GRID2: variants seen among roughly 807,000 people sequenced by gnomAD.
The protein encoded by GRID2 is glutamate receptor ionotropic, delta-2.
Under a neutral mutation model 114.8 loss-of-function variants are expected in GRID2, and 33 were observed. The observed-to-expected ratio is 0.29, with a 90% confidence interval of 0.22 to 0.38. GRID2 has a LOEUF of 0.38. GRID2 is among the 10% of genes least tolerant of loss of function. GRID2 has a pLI of 1.00. For missense variants in GRID2, 1,184 were observed against 1,257.7 expected, an observed-to-expected ratio of 0.94 and a Z score of 0.89; for synonymous variants, 505 against 449.9, an observed-to-expected ratio of 1.12 and a Z score of -1.55.
At chr4:93,045,644 A>G (rs985078742) in intron 2 of GRID2, among the ~76,000 whole-genome samples, 1 of 152,126 alleles carries the variant, frequency 6.6e-6, no homozygotes, top group Non-Finnish European at 1.5e-5. Context: ...ACTTTTATTA[A>G]CCTCACTTTG....
At chr4:93,440,837 T>C (rs919206131) in intron 10 of GRID2, among the ~76,000 whole-genome samples, 5 of 152,102 alleles carry the variant, frequency 3.3e-5, no homozygotes, top group African/African-American at 9.7e-5. Context: ...AGCAATTCAA[T>C]CAGATAAAGA....
At chr4:93,510,712 A>G (rs1729080133) in intron 12 of GRID2, among the ~76,000 whole-genome samples, 1 of 152,004 alleles carries the variant, frequency 6.6e-6, no homozygotes, top group Non-Finnish European at 1.5e-5. Flanking sequence ...GCCAGGGGGG[A>G]AAAATTCCAC....
intron 2 of GRID2, among the ~76,000 whole-genome samples, chr4:92,689,075 T>C (rs984866618): frequency 6.6e-6 from 1 of 152,190 alleles, no homozygotes; most frequent in Non-Finnish European, 1.5e-5. Context: ...TATTTTGTTG[T>C]ATGAGCACTA....
At chr4:93,563,615 T>C (rs1473630377) in intron 13 of GRID2, among the ~76,000 whole-genome samples, 2 of 151,990 alleles carry the variant, frequency 1.3e-5, no homozygotes, top group Non-Finnish European at 2.9e-5. Flanking sequence ...TTATTATAAA[T>C]TAAATGAAGC....
chr4:93,262,871 G>A (rs1380057385), intron 8 of GRID2, among the ~76,000 whole-genome samples: 1 of 151,670 alleles, frequency 6.6e-6, no homozygotes, highest in African/African-American at 2.4e-5. Flanking sequence ...GCATTCTAAA[G>A]TATTTAAATG....
In GRID2 at chr4:92,749,688, G is replaced by A. The variant is rs183364009; in HGVS notation, c.244+159402G>A. ...AGGGTAAGATTAGTTCCACATAATG[G>A]CAAGGTTTCCTTTTAAGGAAAACCA... On this transcript the variant is annotated intron_variant, in intron 2 of 15. Transcript: ENST00000282020. Among the ~76,000 whole-genome samples the A allele has an allele frequency of 1.0e-3, 153 of 152,200 alleles. 1 individual carries two copies. The highest frequency in any genetic ancestry group is 3.3e-3 in the African/African-American group (139 of 41,524).
At chr4:93,071,483 C>G (rs1728800681) in intron 2 of GRID2, among the ~76,000 whole-genome samples, 1 of 152,008 alleles carries the variant, frequency 6.6e-6, no homozygotes, top group Non-Finnish European at 1.5e-5. Flanking sequence ...ATATAAAATA[C>G]AATCAAATGA....
chr4:92,969,593 A>G (rs1438517670), intron 2 of GRID2, among the ~76,000 whole-genome samples: 2 of 151,826 alleles, frequency 1.3e-5, no homozygotes, highest in African/African-American at 4.8e-5. Flanking sequence ...ACATGCACTC[A>G]GTAATTTAAT....
chr4:93,681,455 A>G (rs1725526691), intron 14 of GRID2, among the ~76,000 whole-genome samples: 1 of 151,588 alleles, frequency 6.6e-6, no homozygotes, highest in South Asian at 2.1e-4. Flanking sequence ...GAACCAAAAA[A>G]GAGCCCGCAT....
chr4:92,639,583 A>G (rs1024148883), intron 2 of GRID2, among the ~76,000 whole-genome samples: 4 of 151,786 alleles, frequency 2.6e-5, no homozygotes, highest in Admixed American at 1.3e-4. Context: ...TCCTATACAA[A>G]GTGGAGATAA....
chr4:92,585,692 T>G lies in GRID2; in HGVS notation c.89-4439T>G, dbSNP rs1350776980. On this transcript the variant is annotated intron_variant, in intron 1 of 15. Transcript: ENST00000282020. ...TTCTCAATATTGTTAGAGGAAATTA[T>G]GTGCAGGATGAACACATAATTTTTT... Among the ~76,000 whole-genome samples the G allele has an allele frequency of 1.3e-5, 2 of 151,958 alleles. 1 individual carries two copies. Among genetic ancestry groups the G allele is most frequent in the African/African-American group, 4.8e-5 (2 of 41,442 alleles).
At chr4:93,339,782 G>A (rs373898054) in intron 8 of GRID2, among the ~76,000 whole-genome samples, 1 of 152,178 alleles carries the variant, frequency 6.6e-6, no homozygotes, top group East Asian at 1.9e-4. Flanking sequence ...AGCATGGCTG[G>A]GGAGGCCTCA....
intron 8 of GRID2, among the ~76,000 whole-genome samples, chr4:93,290,278 C>G (rs182513299): frequency 6.6e-6 from 1 of 151,968 alleles, no homozygotes; most frequent in Non-Finnish European, 1.5e-5. Flanking sequence ...CTTATGAGTG[C>G]GTGTTTATGA....
Position 93,772,841 on chromosome 4 carries a change from T to C in GRID2, c.*343T>C. 1 of 210,364 alleles carries C rather than the reference T, an allele frequency of 4.8e-6. No homozygotes were observed. Among genetic ancestry groups the C allele is most frequent in the African/African-American group, 2.3e-5 (1 of 43,802 alleles). 13.0% of individuals were successfully genotyped at this position (210,364 alleles called of 1,614,324 possible). On this transcript the variant is annotated 3_prime_UTR_variant, in exon 16 of 16. Transcript: ENST00000282020. ...CTAAAAGTATATGCAGGATTAATTT[T>C]ACATAAAGGCCTCTTCTGTAACATT... is the stretch of plus-strand genomic sequence containing the variant.
intron 14 of GRID2, among the ~76,000 whole-genome samples, chr4:93,685,693 A>G (rs985465409): frequency 2.0e-5 from 3 of 152,042 alleles, no homozygotes; most frequent in African/African-American, 4.8e-5. Context: ...TATATTAGGC[A>G]CTTCCAATTC....
intron 1 of GRID2, among the ~76,000 whole-genome samples, chr4:92,347,565 T>C (rs992669715): frequency 2.6e-5 from 4 of 151,896 alleles, no homozygotes; most frequent in African/African-American, 9.6e-5. Flanking sequence ...CAAATGAATA[T>C]GGACCTTTAT....
intron 10 of GRID2, among the ~76,000 whole-genome samples, chr4:93,423,340 T>C (rs796078657): frequency 1.7e-3 from 62 of 36,320 alleles, no homozygotes; most frequent in African/African-American, 7.7e-3. Context: ...TTCTTTCTTT[T>C]TTTTTTTTTT....
chr4:93,413,447 G>C (rs1287055496), intron 9 of GRID2, among the ~76,000 whole-genome samples: 1 of 151,970 alleles, frequency 6.6e-6, no homozygotes, highest in African/African-American at 2.4e-5. Context: ...ATGGGGTTGA[G>C]GCTTTCACTT....
intron 2 of GRID2, among the ~76,000 whole-genome samples, chr4:92,618,513 A>G (rs970356504): frequency 6.6e-6 from 1 of 151,774 alleles, no homozygotes; most frequent in Non-Finnish European, 1.5e-5. Context: ...GTTTCATACA[A>G]AGTTTAGAGA....
Sources: gnomAD v4.1 joint callset for allele counts (sites outside exome capture counted in the v4.1 genomes callset) on GRCh38, gnomAD v4.1.1 for gene constraint, MANE v1.5 for transcripts, NCBI Gene and HGNC (gene_info 2026-07-23, HGNC 2026-07-21) for gene names.